The following MTUS2 variants were observed in gnomAD, a reference collection of about 807,000 sequenced individuals.
MTUS2 encodes the protein microtubule-associated tumor suppressor candidate 2.
MTUS2 carries 40 observed loss-of-function variants against 114.1 expected under a neutral mutation model. That is an observed-to-expected ratio of 0.35 (90% CI 0.27 to 0.46). The LOEUF (loss-of-function observed/expected upper bound fraction) is 0.46, where lower values mean the gene tolerates loss of function less well. Among genes scored for constraint, MTUS2 ranks in the 20% least tolerant of loss-of-function variants. The pLI is 1.00. For synonymous variants in MTUS2, 688 were observed against 672.0 expected, an observed-to-expected ratio of 1.02 and a Z score of -0.37; for missense variants, 1,679 against 1,705.4, an observed-to-expected ratio of 0.98 and a Z score of 0.27.
At chr13:29,111,221 A>G (rs545480940) in intron 5 of MTUS2, among the ~76,000 whole-genome samples, 114 of 152,362 alleles carry the variant, frequency 7.5e-4, no homozygotes, top group Middle Eastern at 3.4e-3. Context: ...GGTTCTTCCA[A>G]AATTAATGAT....
chr13:29,026,084 G>T lies in MTUS2; in HGVS notation c.1386G>T (p.Gly462=), dbSNP rs1325739191. Residue 462 remains glycine, a synonymous_variant, in exon 3 of 16, where the codon GGG becomes GGT. Transcript: ENST00000612955. ...AGGAGGAAAGGCGGTTGGGCAGTGGGAATAAGGACAGTGTTATGGTTTTGG... is the reference window on the plus strand; with the variant it reads ...AGGAGGAAAGGCGGTTGGGCAGTGGTAATAAGGACAGTGTTATGGTTTTGG... The part of the protein sequence containing the change: ...VIEEERRLGS[G]NKDSVMVLVF... 1.9e-6 allele frequency: 3 copies of T among 1,613,896 alleles called. No homozygotes were observed. In the South Asian group the frequency reaches 3.3e-5, roughly 18 times the overall value.
intron 2 of MTUS2, among the ~76,000 whole-genome samples, chr13:28,857,892 C>T (rs1876735761): frequency 6.6e-6 from 1 of 152,186 alleles, no homozygotes; most frequent in African/African-American, 2.4e-5. Context: ...TGAGTCTCTG[C>T]TACATGCCCT....
chr13:29,356,197 C>A (rs998518578), intron 7 of MTUS2, among the ~76,000 whole-genome samples: 2 of 152,138 alleles, frequency 1.3e-5, no homozygotes, highest in Admixed American at 1.3e-4. Context: ...TCCTTTAAAG[C>A]CTGCATGGTG....
intron 2 of MTUS2, among the ~76,000 whole-genome samples, chr13:28,897,362 C>A (rs1393822123): frequency 6.6e-6 from 1 of 152,154 alleles, no homozygotes; most frequent in African/African-American, 2.4e-5. Flanking sequence ...CCAGCTCACA[C>A]CAGTTAGAAT....
chr13:29,020,087 G>A (rs1593388638), intron 2 of MTUS2, among the ~76,000 whole-genome samples: 1 of 152,186 alleles, frequency 6.6e-6, no homozygotes, highest in Non-Finnish European at 1.5e-5. Context: ...AGAACCAGGG[G>A]AAGCCACTTA....
intron 4 of MTUS2, among the ~76,000 whole-genome samples, chr13:29,052,623 G>C (rs1452306894): frequency 6.6e-6 from 1 of 152,192 alleles, no homozygotes; most frequent in Non-Finnish European, 1.5e-5. Flanking sequence ...TAGAAGTTAA[G>C]TAAGCTATTG....
chr13:29,292,869 C>T (rs1898775331), intron 6 of MTUS2, among the ~76,000 whole-genome samples: 1 of 151,952 alleles, frequency 6.6e-6, no homozygotes, highest in Admixed American at 6.5e-5. Context: ...AGAAGAAACA[C>T]ACTCAAGGGA....
intron 4 of MTUS2, among the ~76,000 whole-genome samples, chr13:29,070,393 A>G (rs1404956235): frequency 6.6e-6 from 1 of 152,186 alleles, no homozygotes; most frequent in Non-Finnish European, 1.5e-5. Flanking sequence ...AATCATCTGT[A>G]GTCTGCATTT....
intron 2 of MTUS2, among the ~76,000 whole-genome samples, chr13:28,952,839 T>C (rs1169414337): frequency 1.4e-4 from 21 of 152,260 alleles, no homozygotes; most frequent in Admixed American, 1.3e-3. Context: ...TATTCAACTG[T>C]CACCTTTTGT....
intron 9 of MTUS2, among the ~76,000 whole-genome samples, chr13:29,457,145 A>C (rs1879175212): frequency 7.2e-6 from 1 of 138,522 alleles, no homozygotes; most frequent in Admixed American, 7.1e-5. Context: ...TCCATTCAAA[A>C]AAAAAAAAAA....
chr13:28,929,079 A>T (rs370250373), intron 2 of MTUS2, among the ~76,000 whole-genome samples: 1 of 152,142 alleles, frequency 6.6e-6, no homozygotes, highest in Admixed American at 6.5e-5. Flanking sequence ...GGCGAATATC[A>T]CATGTTCTCC....
At chr13:29,338,171 C>T (rs74759389) in intron 7 of MTUS2, among the ~76,000 whole-genome samples, 14 of 151,988 alleles carry the variant, frequency 9.2e-5, no homozygotes, top group African/African-American at 1.9e-4. Flanking sequence ...CAGTTTTCCC[C>T]GATAGTCTAG....
chr13:29,172,708 C>A (rs28452922), intron 5 of MTUS2, among the ~76,000 whole-genome samples: 1 of 152,174 alleles, frequency 6.6e-6, no homozygotes. Flanking sequence ...AATTGAGTAT[C>A]TACCAAAGGC....
intron 4 of MTUS2, among the ~76,000 whole-genome samples, chr13:29,085,875 G>A (rs1889670751): frequency 6.6e-6 from 1 of 152,082 alleles, no homozygotes; most frequent in Admixed American, 6.6e-5. Context: ...TTCTATAGTA[G>A]CCAAACTAAT....
chr13:29,025,134 GT>G lies in MTUS2; in HGVS notation c.440del (p.Leu147TrpfsTer26). On this transcript the variant is annotated frameshift_variant, in exon 3 of 16. Transcript: ENST00000612955. LOFTEE classifies it high-confidence loss of function. ...RNVMSEASLD[V>X]LAKRDAEIPR... ...TGTGATGAGTGAGGCCAGTCTAGAC[GT>G]TTTGGCTAAAAGGGATGCTGAAATT... 1 of 1,613,936 alleles carries G rather than the reference GT, an allele frequency of 6.2e-7. No individual in the cohort carries two copies. The highest frequency in any genetic ancestry group is 2.2e-5 in the East Asian group (1 of 44,862).
chr13:29,202,360 C>T (rs1191275436), intron 5 of MTUS2, among the ~76,000 whole-genome samples: 1 of 152,124 alleles, frequency 6.6e-6, no homozygotes, highest in African/African-American at 2.4e-5. Context: ...TCCATCAGAT[C>T]ATTTGTGTTC....
intron 2 of MTUS2, among the ~76,000 whole-genome samples, chr13:28,975,246 CTTATT>C (rs1884035193): frequency 6.6e-6 from 1 of 152,128 alleles, no homozygotes; most frequent in Non-Finnish European, 1.5e-5. Context: ...CCATCAAAGT[CTTATT>C]TTAAGTCTCT....
intron 2 of MTUS2, among the ~76,000 whole-genome samples, chr13:28,960,862 T>C (rs1406074467): frequency 2.0e-5 from 3 of 152,130 alleles, no homozygotes; most frequent in Non-Finnish European, 2.9e-5. Context: ...GTGTGAATTA[T>C]ATCTCAATAA....
chr13:29,441,241 C>T (rs1877836574), intron 9 of MTUS2, among the ~76,000 whole-genome samples: 1 of 152,060 alleles, frequency 6.6e-6, no homozygotes, highest in Non-Finnish European at 1.5e-5. Flanking sequence ...ATGTAGGCTT[C>T]TTCCAACAGT....
Sources: gnomAD v4.1 joint callset for allele counts (sites outside exome capture counted in the v4.1 genomes callset) on GRCh38, gnomAD v4.1.1 for gene constraint, MANE v1.5 for transcripts, NCBI Gene and HGNC (gene_info 2026-07-23, HGNC 2026-07-21) for gene names.